CHCHD4: variants seen among roughly 807,000 people sequenced by gnomAD.
The protein encoded by CHCHD4 is coiled-coil-helix-coiled-coil-helix domain containing 4.
CHCHD4 carries 7 observed loss-of-function variants against 12.4 expected under a neutral mutation model. That is an observed-to-expected ratio of 0.57 (90% CI 0.32 to 1.06). CHCHD4 has a LOEUF of 1.06. Ranked by LOEUF, CHCHD4 falls within the 50% of genes least tolerant of loss-of-function variation. CHCHD4 has a pLI of 0.04. For missense variants in CHCHD4, 143 were observed against 175.1 expected, an observed-to-expected ratio of 0.82 and a Z score of 1.03; for synonymous variants, 56 against 58.0, an observed-to-expected ratio of 0.97 and a Z score of 0.16.
chr3:14,112,899 C>G lies in CHCHD4; in HGVS notation c.417G>C (p.Glu139Asp), dbSNP rs761678736. Residue 139 changes from glutamate (E) to aspartate (D), a missense_variant, in exon 3 of 3, where the codon GAG becomes GAC. Glu to Asp is a conservative substitution (Grantham distance 45). Coordinates refer to ENST00000396914, the MANE Select transcript of CHCHD4 (RefSeq NM_001098502.2). ...CTTGTGGCCTTCATTAACTTGATCC[C>G]TCCTCTTCTTTGGTTGCAGTGGCCT... is the stretch of plus-strand genomic sequence containing the variant. ...PIEATATKEE[E>D]GSS The G allele has an allele frequency of 6.2e-7, 1 of 1,612,072 alleles. No individual in the cohort carries two copies. Among genetic ancestry groups the G allele is most frequent in the East Asian group, 2.2e-5 (1 of 44,828 alleles).
chr3:14,122,211 A>AT, intron 1 of CHCHD4: 1 of 1,339,652 alleles, frequency 7.5e-7, no homozygotes. Flanking sequence ...CTCAGACCCC[A>AT]TAGAGCCTTT....
chr3:14,119,779 G>C (rs1039700005), intron 1 of CHCHD4, among the ~76,000 whole-genome samples: 2 of 152,122 alleles, frequency 1.3e-5, no homozygotes, highest in Non-Finnish European at 2.9e-5. Context: ...GTTCAAATCT[G>C]GGCTTAAGCA....
At chr3:14,114,432 C>T (rs1339486166) in intron 2 of CHCHD4, among the ~76,000 whole-genome samples, 6 of 152,166 alleles carry the variant, frequency 3.9e-5, no homozygotes, top group Non-Finnish European at 1.5e-5. Context: ...CTCTGGGGTT[C>T]ATGGTCCAAG....
At chr3:14,122,547 T>C (rs117879182) in intron 1 of CHCHD4, among the ~76,000 whole-genome samples, 2 of 152,344 alleles carry the variant, frequency 1.3e-5, no homozygotes, top group East Asian at 3.9e-4. Context: ...CCAACGAGTT[T>C]AACCTGAAGG....
chr3:14,124,577 T>C (rs924373958), intron 1 of CHCHD4, 78 bp downstream of exon 1: 1 of 1,349,616 alleles, frequency 7.4e-7, no homozygotes, highest in African/African-American at 1.6e-5. Flanking sequence ...GCGCCCGGCG[T>C]GGTCGCGGGG....
chr3:14,121,820 C>T (rs1694937622), intron 1 of CHCHD4: 2 of 1,597,408 alleles, frequency 1.3e-6, no homozygotes, highest in Non-Finnish European at 1.7e-6. Flanking sequence ...AGATACAACT[C>T]CCCCATACAG....
At chr3:14,113,317 G>A (rs182349848) in intron 2 of CHCHD4, 123 bp from the exon 3 acceptor site, 23 of 758,828 alleles carry the variant, frequency 3.0e-5, no homozygotes, top group African/African-American at 1.8e-4. Flanking sequence ...CCCACACCTC[G>A]ATTTGGATTA....
At chr3:14,115,370 A>G (rs1465956468) in intron 2 of CHCHD4, among the ~76,000 whole-genome samples, 2 of 152,214 alleles carry the variant, frequency 1.3e-5, no homozygotes, top group African/African-American at 4.8e-5. Flanking sequence ...TGAGGCAAAC[A>G]AAACAAGGCC....
intron 1 of CHCHD4, among the ~76,000 whole-genome samples, chr3:14,116,746 G>A (rs1694881138): frequency 6.6e-6 from 1 of 152,230 alleles, no homozygotes; most frequent in African/African-American, 2.4e-5. Context: ...AGAGTGTCCT[G>A]GGGTTGACCC....
chr3:14,124,741 G>A lies in CHCHD4; in HGVS notation c.-65C>T. Reference sequence around the variant, plus strand: ...GGCGGCAGCTGCACCTTTACGCCGTGACCTCCCTCTCCTCTGGCAGGGCGG... The same window carrying A: ...GGCGGCAGCTGCACCTTTACGCCGTAACCTCCCTCTCCTCTGGCAGGGCGG... On this transcript the variant is annotated 5_prime_UTR_variant, in exon 1 of 3. Coordinates refer to ENST00000396914, the MANE Select transcript of CHCHD4 (RefSeq NM_001098502.2). The A allele has an allele frequency of 2.0e-6, 3 of 1,489,352 alleles. No individual in the cohort carries two copies. In the South Asian group the frequency reaches 3.8e-5, roughly 19 times the overall value. The allele number at this position is 1,489,352 out of a possible 1,614,324, so 92.3% of individuals were successfully genotyped here.
At chr3:14,119,417 T>C (rs987670347) in intron 1 of CHCHD4, 1 of 144,274 alleles carries the variant, frequency 6.9e-6, no homozygotes, top group Non-Finnish European at 1.5e-5. Context: ...GTCCATTGTA[T>C]GCCTGTCCTA....
intron 1 of CHCHD4, among the ~76,000 whole-genome samples, chr3:14,124,420 GGGTTCGGGCTTCACTGTGACCTT>G (rs1694978724): frequency 6.6e-6 from 1 of 152,190 alleles, no homozygotes; most frequent in Non-Finnish European, 1.5e-5. Flanking sequence ...TCTGAGGTCA[GGGTTCGGGCTTCACTGTGACCTT>G]GGACCAGCCC....
intron 1 of CHCHD4, among the ~76,000 whole-genome samples, chr3:14,117,015 C>A (rs907125662): frequency 2.6e-5 from 4 of 152,252 alleles, no homozygotes; most frequent in Non-Finnish European, 5.9e-5. Context: ...CCGTTCCACT[C>A]CCCACAGTCC....
At chr3:14,117,362 A>G (rs760617010) in intron 1 of CHCHD4, among the ~76,000 whole-genome samples, 5 of 152,220 alleles carry the variant, frequency 3.3e-5, no homozygotes, top group Admixed American at 6.5e-5. Context: ...AGAAAAGCAC[A>G]TCAGTCCTGG....
Position 14,112,879 on chromosome 3 carries a change from G to C in CHCHD4, c.*8C>G. 2.5e-6 allele frequency: 4 copies of C among 1,605,582 alleles called. No homozygotes were observed. Among genetic ancestry groups the C allele is most frequent in the Non-Finnish European group, 3.4e-6 (4 of 1,175,318 alleles). ...AAAGGACTGGTGCCCAGTGCCTTGT[G>C]GCCTTCATTAACTTGATCCCTCCTC... On this transcript the variant is annotated 3_prime_UTR_variant, in exon 3 of 3. Coordinates refer to ENST00000396914, the MANE Select transcript of CHCHD4 (RefSeq NM_001098502.2).
intron 2 of CHCHD4, among the ~76,000 whole-genome samples, chr3:14,114,247 TG>T (rs1694851986): frequency 6.6e-6 from 1 of 152,188 alleles, no homozygotes; most frequent in African/African-American, 2.4e-5. Context: ...ACTTGTAAAA[TG>T]GGGACAGCAA....
chr3:14,117,626 AC>A (rs954350449), intron 1 of CHCHD4, among the ~76,000 whole-genome samples: 39 of 152,298 alleles, frequency 2.6e-4, no homozygotes, highest in African/African-American at 8.4e-4. Flanking sequence ...TGTCCTCAGT[AC>A]CCCACACTGC....
chr3:14,121,972 AG>A (rs1164023611), intron 1 of CHCHD4: 5 of 1,614,114 alleles, frequency 3.1e-6, no homozygotes, highest in Non-Finnish European at 3.4e-6. Context: ...AATACGACAC[AG>A]GCATCCAGTG....
At chr3:14,116,810 G>T (rs1448770652) in intron 1 of CHCHD4, among the ~76,000 whole-genome samples, 1 of 152,246 alleles carries the variant, frequency 6.6e-6, no homozygotes, top group East Asian at 1.9e-4. Context: ...TTGGCAAAGT[G>T]AGTGTGCAGT....
Sources: allele counts gnomAD v4.1 joint callset (sites outside exome capture counted in the v4.1 genomes callset), GRCh38; gene constraint gnomAD v4.1.1; transcripts MANE v1.5; gene names NCBI Gene and HGNC (gene_info 2026-07-23, HGNC 2026-07-21).